POU2F1: variants seen among roughly 807,000 people sequenced by gnomAD.
POU2F1 encodes POU class 2 homeobox 1.
Under a neutral mutation model 84.9 loss-of-function variants are expected in POU2F1, and 16 were observed. That is an observed-to-expected ratio of 0.19 (90% CI 0.13 to 0.29). POU2F1 has a LOEUF of 0.29. Ranked by LOEUF, POU2F1 falls within the 10% of genes least tolerant of loss-of-function variation. The pLI is 1.00. For missense variants in POU2F1, 738 were observed against 942.6 expected (o/e 0.78, Z 2.84); for synonymous variants, 368 against 368.3 (o/e 1.00, Z 0.01).
At position 167,250,560 on chromosome 1, in the gene POU2F1, C is replaced by G. The variant is rs188530465; in HGVS notation, c.61+29602C>G. 5.3e-5 allele frequency among the ~76,000 whole-genome samples: 8 copies of G among 152,138 alleles called. No individual in the cohort carries two copies. The East Asian group carries it at 1.5e-3, about 29-fold the overall frequency. ...GAGAATTCATTTGTTGTTGACATTC[C>G]CCTCAGAGGATACTACTTTGATATG... On this transcript the variant is annotated intron_variant, in intron 1 of 15. Transcript: ENST00000367866.
At position 167,280,735 on chromosome 1, in the gene POU2F1, A is replaced by C. The variant is rs187423248; in HGVS notation, c.62-51735A>C. On this transcript the variant is annotated intron_variant, in intron 1 of 15. Coordinates refer to ENST00000367866, the MANE Select transcript of POU2F1 (RefSeq NM_002697.4). Reference sequence around the variant, plus strand: ...TCTTTGAATAGTCTCATTTTTTAAAAAGTCCTAAGCATAAAAAGTAAGATT... The same window carrying C: ...TCTTTGAATAGTCTCATTTTTTAAACAGTCCTAAGCATAAAAAGTAAGATT... 9.2e-5 allele frequency among the ~76,000 whole-genome samples: 14 copies of C among 152,338 alleles called. No homozygotes were observed. In the East Asian group the frequency reaches 2.7e-3, roughly 29 times the overall value.
intron 1 of POU2F1, among the ~76,000 whole-genome samples, chr1:167,282,812 G>A (rs1488617954): frequency 6.6e-6 from 1 of 152,112 alleles, no homozygotes; most frequent in Non-Finnish European, 1.5e-5. Flanking sequence ...TAGCAAATGG[G>A]GTTAAATGCA....
chr1:167,314,846 T>C (rs1236780199), intron 1 of POU2F1, among the ~76,000 whole-genome samples: 1 of 152,168 alleles, frequency 6.6e-6, no homozygotes, highest in Non-Finnish European at 1.5e-5. Flanking sequence ...CCAGATCTCA[T>C]GTCAAATTGT....
chr1:167,284,338 T>A (rs1653370966), intron 1 of POU2F1, among the ~76,000 whole-genome samples: 1 of 152,214 alleles, frequency 6.6e-6, no homozygotes, highest in Middle Eastern at 3.2e-3. Context: ...GATAGTAGAA[T>A]GACAGCGAAA....
Position 167,421,142 on chromosome 1 carries a change from CTT to C in POU2F1, c.*5334_*5335del, listed in dbSNP as rs1466624287. ...GTTTTACAACATTTTGAGGATGACACTTTATAAAATGGTAAATCTTTCTCAGC... is the reference window on the plus strand; with the variant it reads ...GTTTTACAACATTTTGAGGATGACACTATAAAATGGTAAATCTTTCTCAGC... On this transcript the variant is annotated 3_prime_UTR_variant, in exon 16 of 16. Coordinates refer to ENST00000367866, the MANE Select transcript of POU2F1 (RefSeq NM_002697.4). 2 of 152,152 alleles carry C rather than the reference CTT, an allele frequency of 1.3e-5. No individual in the cohort carries two copies. Among genetic ancestry groups the C allele is most frequent in the African/African-American group, 4.8e-5 (2 of 41,424 alleles). 9.4% of individuals were successfully genotyped at this position (152,152 alleles called of 1,614,324 possible). A position where few individuals can be genotyped will look rare whatever the true frequency, so the allele number is the denominator to read the frequency against.
chr1:167,332,400 GT>G, intron 1 of POU2F1, 69 bp from the exon 2 acceptor site: 2 of 1,194,748 alleles, frequency 1.7e-6, no homozygotes. Flanking sequence ...CTCTGCCACA[GT>G]TTTGCCTCCT....
intron 12 of POU2F1, among the ~76,000 whole-genome samples, chr1:167,401,032 G>A (rs1422502998): frequency 2.6e-5 from 4 of 151,650 alleles, no homozygotes; most frequent in Non-Finnish European, 5.9e-5. Context: ...AAACTAATCC[G>A]TTTTTTTTAA....
chr1:167,323,553 C>T (rs1656472004), intron 1 of POU2F1, among the ~76,000 whole-genome samples: 1 of 152,184 alleles, frequency 6.6e-6, no homozygotes, highest in South Asian at 2.1e-4. Flanking sequence ...GTTTGATGCA[C>T]TATCTGATTC....
intron 1 of POU2F1, among the ~76,000 whole-genome samples, chr1:167,310,376 G>A (rs1655381678): frequency 1.3e-5 from 2 of 152,088 alleles, no homozygotes; most frequent in South Asian, 4.2e-4. Flanking sequence ...ACTCAGATTG[G>A]ATTTTTAAAA....
At chr1:167,260,703 G>T (rs996771443) in intron 1 of POU2F1, among the ~76,000 whole-genome samples, 2 of 152,082 alleles carry the variant, frequency 1.3e-5, no homozygotes, top group Admixed American at 6.5e-5. Context: ...CTAATTTCCT[G>T]TATAGGAAAG....
chr1:167,358,867 G>C (rs1317830553), intron 2 of POU2F1, among the ~76,000 whole-genome samples: 2 of 151,408 alleles, frequency 1.3e-5, no homozygotes, highest in Non-Finnish European at 2.9e-5. Flanking sequence ...AGCAGTTTTT[G>C]ATAGGCCTTT....
At chr1:167,254,541 G>A (rs1182327707) in intron 1 of POU2F1, among the ~76,000 whole-genome samples, 4 of 152,156 alleles carry the variant, frequency 2.6e-5, no homozygotes, top group Non-Finnish European at 5.9e-5. Flanking sequence ...TGCATAAAAT[G>A]TTCATGCAAA....
At chr1:167,358,716 CT>C (rs1197814755) in intron 2 of POU2F1, among the ~76,000 whole-genome samples, 416 of 38,348 alleles carry the variant, frequency 0.011, 3 homozygotes, top group African/African-American at 0.025. Context: ...TTATCTGCAG[CT>C]TTTTTTTTTT....
chr1:167,364,813 C>T (rs1659577340), intron 2 of POU2F1, among the ~76,000 whole-genome samples: 1 of 151,986 alleles, frequency 6.6e-6, no homozygotes, highest in East Asian at 1.9e-4. Flanking sequence ...AAGCCATCTA[C>T]CCACCTTGGC....
chr1:167,371,789 A>G, intron 4 of POU2F1, 128 bp from the exon 5 acceptor site: 1 of 1,252,462 alleles, frequency 8.0e-7, no homozygotes, highest in South Asian at 1.4e-5. Flanking sequence ...AATAAAAGAA[A>G]GGAGGTAAAC....
At position 167,362,130 on chromosome 1, in the gene POU2F1, T is replaced by C. The variant is rs190318490; in HGVS notation, c.128-3337T>C. ...CTGTTTCTCTCTCCTTTCCTTGTAG[T>C]CCAATTTAGGTCTTTATGTTTTACA... On this transcript the variant is annotated intron_variant, in intron 2 of 15. Transcript: ENST00000367866. Among the ~76,000 whole-genome samples the C allele has an allele frequency of 3.2e-4, 49 of 152,282 alleles. No individual in the cohort carries two copies. In the East Asian group the frequency reaches 9.1e-3, roughly 28 times the overall value.
intron 1 of POU2F1, among the ~76,000 whole-genome samples, chr1:167,318,679 G>A (rs559982645): frequency 6.6e-6 from 1 of 152,120 alleles, no homozygotes; most frequent in Non-Finnish European, 1.5e-5. Flanking sequence ...GATAGCGAGG[G>A]GGTAGGCAAC....
At chr1:167,248,012 T>C (rs1391573938) in intron 1 of POU2F1, among the ~76,000 whole-genome samples, 1 of 152,194 alleles carries the variant, frequency 6.6e-6, no homozygotes, top group East Asian at 1.9e-4. Context: ...AAGAGGTGTG[T>C]AGTTGGAAGT....
At chr1:167,263,309 C>T (rs1651702317) in intron 1 of POU2F1, among the ~76,000 whole-genome samples, 1 of 152,088 alleles carries the variant, frequency 6.6e-6, no homozygotes, top group African/African-American at 2.4e-5. Context: ...CACCTGAGGT[C>T]AGGAGTTTGA....
Sources: gnomAD v4.1 joint callset for allele counts (sites outside exome capture counted in the v4.1 genomes callset) on GRCh38, gnomAD v4.1.1 for gene constraint, MANE v1.5 for transcripts, NCBI Gene and HGNC (gene_info 2026-07-23, HGNC 2026-07-21) for gene names.